TBX2: variants seen among roughly 807,000 people sequenced by gnomAD.
TBX2 encodes T-box transcription factor 2.
In TBX2, 19 loss-of-function variants were observed where a neutral mutation model predicts 48.4. The ratio of observed to expected loss-of-function variants is 0.39; its 90% CI spans 0.27 to 0.58. The LOEUF is 0.58. Among genes scored for constraint, TBX2 ranks in the 20% least tolerant of loss-of-function variants. The probability of loss-of-function intolerance (pLI) is 0.54; values close to 1 mark genes in which losing one functional copy is unlikely to be tolerated. For missense variants in TBX2, 994 were observed against 1,006.5 expected, an observed-to-expected ratio of 0.99 and a Z score of 0.17; for synonymous variants, 522 against 459.7, an observed-to-expected ratio of 1.14 and a Z score of -1.73.
intron 5 of TBX2, 61 bp downstream of exon 5, chr17:61,404,830 G>A: frequency 1.3e-6 from 2 of 1,531,994 alleles, no homozygotes; most frequent in Non-Finnish European, 1.7e-6. Flanking sequence ...AGGTCGCTGG[G>A]CTGGTCTTTT....
Position 61,403,165 on chromosome 17 carries a change from G to A in TBX2, c.768G>A (p.Pro256=), listed in dbSNP as rs1175015230. ...PYSTFRTYVF[P]ETDFIAVTAY... ...GCACCTTCCGCACCTACGTGTTCCC[G>A]GAGACCGACTTCATCGCCGTCACTG... Residue 256 remains proline (P), a synonymous_variant, in exon 3 of 7, where the codon CCG becomes CCA. Transcript: ENST00000240328. The surrounding 1 kb of genome is among the most constrained non-coding windows in gnomAD (Gnocchi z 5.8). 1 of 1,613,608 alleles carries A rather than the reference G, an allele frequency of 6.2e-7. No individual in the cohort carries two copies. Among genetic ancestry groups the A allele is most frequent in the South Asian group, 1.1e-5 (1 of 91,080 alleles).
Position 61,403,009 on chromosome 17 carries a change from A to G in TBX2, c.664-52A>G. On this transcript the variant is annotated intron_variant, in intron 2 of 6. Coordinates refer to ENST00000240328, the MANE Select transcript of TBX2 (RefSeq NM_005994.4). This position sits in a 1 kb window ranked among gnomAD's most constrained non-coding sequence, Gnocchi z 5.8. ...AGAGGTCAGGTACCCAAAGAATAGA[A>G]AAGCTCGGGCCGGGGCTGGTGGCTG... The G allele has an allele frequency of 2.6e-6, 4 of 1,562,012 alleles. No homozygotes were observed. Among genetic ancestry groups the G allele is most frequent in the African/African-American group, 1.4e-5 (1 of 70,956 alleles).
In TBX2 at chr17:61,400,071, A is replaced by C; in HGVS notation, c.-106A>C. 2.0e-6 allele frequency: 1 copy of C among 488,800 alleles called. No individual in the cohort carries two copies. The highest frequency in any genetic ancestry group is 2.1e-5 in the African/African-American group (1 of 46,712). The allele number at this position is 488,800 out of a possible 1,614,324, so 30.3% of individuals were successfully genotyped here. On this transcript the variant is annotated 5_prime_UTR_variant, in exon 1 of 7. Transcript: ENST00000240328. The surrounding 1 kb of genome is among the most constrained non-coding windows in gnomAD (Gnocchi z 9.2). ...CCGAGGAGCAGCTGCTGCGCCCGCC[A>C]CCCGGGTCGTCCGTCCACCGCGCGC...
In TBX2 at chr17:61,408,450, G is replaced by A. The variant is rs1194305286; in HGVS notation, c.2083G>A (p.Val695Met). 1 of 1,490,360 alleles carries A rather than the reference G, an allele frequency of 6.7e-7. No individual in the cohort carries two copies. The highest frequency in any genetic ancestry group is 9.0e-7 in the Non-Finnish European group (1 of 1,116,872). 92.3% of individuals were successfully genotyped at this position (1,490,360 alleles called of 1,614,324 possible). The change falls in exon 7 of 7, where the codon GTG becomes ATG. Residue 695 changes from valine to methionine, a missense_variant. Val to Met is a conservative substitution (Grantham distance 21, BLOSUM62 1). Around this residue, in one of 5 missense-constraint regions of TBX2, gnomAD observed 639 missense variants for 613.2 expected, o/e 1.04. Coordinates refer to ENST00000240328, the MANE Select transcript of TBX2 (RefSeq NM_005994.4). ...TGAACTGCAGAGCATCCAGAGACTG[G>A]TGAGTGGGCTGGAGAGCCAGCGAGC... ...ANELQSIQRLVSGLESQRALS... is the reference protein window; with the variant it reads ...ANELQSIQRLMSGLESQRALS...
Position 61,400,088 on chromosome 17 carries a change from ACC to A in TBX2, c.-88_-87del. 2 of 714,458 alleles carry A rather than the reference ACC, an allele frequency of 2.8e-6. No homozygotes were observed. Among genetic ancestry groups the A allele is most frequent in the Non-Finnish European group, 3.4e-6 (2 of 585,506 alleles). The allele number at this position is 714,458 out of a possible 1,614,324, so 44.3% of individuals were successfully genotyped here. A position where few individuals can be genotyped will look rare whatever the true frequency, so the allele number is the denominator to read the frequency against. On this transcript the variant is annotated 5_prime_UTR_variant, in exon 1 of 7. Coordinates refer to ENST00000240328, the MANE Select transcript of TBX2 (RefSeq NM_005994.4). The surrounding 1 kb of genome is among the most constrained non-coding windows in gnomAD (Gnocchi z 9.2). ...CGCCCGCCACCCGGGTCGTCCGTCC[ACC>A]GCGCGCGCCGCCGCCCGGGCCGGGG... is the stretch of plus-strand genomic sequence containing the variant.
At position 61,405,726 on chromosome 17, in the gene TBX2, C is replaced by T; in HGVS notation, c.1576C>T (p.Pro526Ser). 1 of 1,369,446 alleles carries T rather than the reference C, an allele frequency of 7.3e-7. No homozygotes were observed. The highest frequency in any genetic ancestry group is 3.0e-5 in the East Asian group (1 of 32,916). The allele number at this position is 1,369,446 out of a possible 1,614,324, so 84.8% of individuals were successfully genotyped here. A position where few individuals can be genotyped will look rare whatever the true frequency, so the allele number is the denominator to read the frequency against. Residue 526 changes from proline to serine, a missense_variant, in exon 6 of 7, where the codon CCT (proline) becomes TCT (serine). Around this residue, in one of 5 missense-constraint regions of TBX2, gnomAD observed 639 missense variants for 613.2 expected, o/e 1.04. Transcript: ENST00000240328. ...AGGGNGGGGGPGTAAGLDAGG... is the reference protein window; with the variant it reads ...AGGGNGGGGGSGTAAGLDAGG... Reference sequence around the variant, plus strand: ...CGGCGGCAACGGCGGAGGTGGCGGGCCTGGGACCGCCGCGGGGCTGGACGC... The same window carrying T: ...CGGCGGCAACGGCGGAGGTGGCGGGTCTGGGACCGCCGCGGGGCTGGACGC...
rs761768545 is a variant in TBX2 at position 61,404,468 on chromosome 17, G to T, written c.858G>T (p.Arg286=). Residue 286 remains arginine (R), a synonymous_variant, in exon 4 of 7, where the codon CGG becomes CGT. Transcript: ENST00000240328. ...ACAACCCGTTTGCCAAGGGCTTCCGGGACACCGGGAACGGCCGGCGGGAGA... is the reference window on the plus strand; with the variant it reads ...ACAACCCGTTTGCCAAGGGCTTCCGTGACACCGGGAACGGCCGGCGGGAGA... The part of the protein sequence containing the change: ...IDNNPFAKGF[R]DTGNGRREKR... The T allele has an allele frequency of 1.2e-6, 2 of 1,612,118 alleles. No homozygotes were observed. Among genetic ancestry groups the T allele is most frequent in the Non-Finnish European group, 1.7e-6 (2 of 1,179,406 alleles).
chr17:61,405,048 G>A, intron 5 of TBX2, 154 bp from the exon 6 acceptor site: 1 of 1,458,218 alleles, frequency 6.9e-7, no homozygotes, highest in East Asian at 2.5e-5. Flanking sequence ...TGTAAATCTG[G>A]GGTCTTGGAT....
Position 61,406,621 on chromosome 17 carries a change from G to C in TBX2, c.1686+785G>C, listed in dbSNP as rs951424302. On this transcript the variant is annotated intron_variant, in intron 6 of 6. Coordinates refer to ENST00000240328, the MANE Select transcript of TBX2 (RefSeq NM_005994.4). The surrounding 1 kb of genome is among the most constrained non-coding windows in gnomAD (Gnocchi z 5.7). ...TCTCTTCATTCATTTTCTTCCCTCT[G>C]AGGTTTCTGGCAAATTGAACCCCTG... The C allele has an allele frequency of 3.3e-5, 5 of 152,162 alleles. No homozygotes were observed. Among genetic ancestry groups the C allele is most frequent in the Admixed American group, 2.6e-4 (4 of 15,270 alleles). 9.4% of individuals were successfully genotyped at this position (152,162 alleles called of 1,614,324 possible). A position where few individuals can be genotyped will look rare whatever the true frequency, so the allele number is the denominator to read the frequency against.
intron 6 of TBX2, 66 bp from the exon 7 acceptor site, chr17:61,407,988 C>A (rs138122459): frequency 6.6e-7 from 1 of 1,506,290 alleles, no homozygotes; most frequent in Non-Finnish European, 8.8e-7. Context: ...GGGGATAGCA[C>A]CCAGCCCAAC....
Position 61,402,930 on chromosome 17 carries a change from TAGAGAGAG to T in TBX2, c.664-97_664-90del, listed in dbSNP as rs1555876930. On this transcript the variant is annotated intron_variant, in intron 2 of 6. Coordinates refer to ENST00000240328, the MANE Select transcript of TBX2 (RefSeq NM_005994.4). ...GAAAATGGGGAAGAGGAAGAACCGA[TAGAGAGAG>T]AGAGAGAGAGAGAGAGAGAGAGAGA... The T allele has an allele frequency of 3.1e-4, 53 of 172,682 alleles. 1 individual carries two copies. Among genetic ancestry groups the T allele is most frequent in the South Asian group, 5.2e-4 (4 of 7,722 alleles). The allele number at this position is 172,682 out of a possible 1,614,324, so 10.7% of individuals were successfully genotyped here.
chr17:61,400,317 G>T lies in TBX2; in HGVS notation c.141G>T (p.Ala47=), dbSNP rs938458517. 3 of 1,068,254 alleles carry T rather than the reference G, an allele frequency of 2.8e-6. No homozygotes were observed. Among genetic ancestry groups the T allele is most frequent in the African/African-American group, 1.7e-5 (1 of 58,502 alleles). 66.2% of individuals were successfully genotyped at this position (1,068,254 alleles called of 1,614,324 possible). ...CGGCACTCGCGCTGCCGCCCGGCGC[G>T]CTGGCCAAGCCGCTGCCCGACCCGG... is the stretch of plus-strand genomic sequence containing the variant. ...FFPALALPPG[A]LAKPLPDPGL... The change falls in exon 1 of 7, where the codon GCG becomes GCT. Residue 47 remains alanine, a synonymous_variant. Coordinates refer to ENST00000240328, the MANE Select transcript of TBX2 (RefSeq NM_005994.4). This position sits in a 1 kb window ranked among gnomAD's most constrained non-coding sequence, Gnocchi z 9.2.
Position 61,400,673 on chromosome 17 carries a change from C to G in TBX2, c.395+102C>G. ...AGCTGGGGACTCCCGGCTCCCGGCT[C>G]CCGGCTCCAGGTTCTGGCCCTGACG... On this transcript the variant is annotated intron_variant, in intron 1 of 6. Coordinates refer to ENST00000240328, the MANE Select transcript of TBX2 (RefSeq NM_005994.4). The surrounding 1 kb of genome is among the most constrained non-coding windows in gnomAD (Gnocchi z 9.2). 8.3e-7 allele frequency: 1 copy of G among 1,208,690 alleles called. No homozygotes were observed. Among genetic ancestry groups the G allele is most frequent in the Non-Finnish European group, 1.1e-6 (1 of 892,666 alleles). The allele number at this position is 1,208,690 out of a possible 1,614,324, so 74.9% of individuals were successfully genotyped here. A position where few individuals can be genotyped will look rare whatever the true frequency, so the allele number is the denominator to read the frequency against.
intron 1 of TBX2, among the ~76,000 whole-genome samples, chr17:61,401,092 G>C (rs1338378204): frequency 6.6e-6 from 1 of 152,056 alleles, no homozygotes; most frequent in Non-Finnish European, 1.5e-5. Flanking sequence ...TCTCCACCGC[G>C]GGCATCCGAG....
chr17:61,405,757 G>A lies in TBX2; in HGVS notation c.1607G>A (p.Gly536Glu). The change falls in exon 6 of 7, where the codon GGG becomes GAG. Residue 536 changes from glycine (G) to glutamate (E), a missense_variant. By Grantham distance (98) the Gly-to-Glu change is moderately conservative. Coordinates refer to ENST00000240328, the MANE Select transcript of TBX2 (RefSeq NM_005994.4). ...PGTAAGLDAG[G>E]LGPAASAAST... ...ACCGCCGCGGGGCTGGACGCAGGCGGGCTGGGTCCCGCGGCCAGCGCAGCA... is the reference window on the plus strand; with the variant it reads ...ACCGCCGCGGGGCTGGACGCAGGCGAGCTGGGTCCCGCGGCCAGCGCAGCA... 7.5e-7 allele frequency: 1 copy of A among 1,338,786 alleles called. No individual in the cohort carries two copies. The highest frequency in any genetic ancestry group is 2.0e-5 in the South Asian group (1 of 50,046). 82.9% of individuals were successfully genotyped at this position (1,338,786 alleles called of 1,614,324 possible). A position where few individuals can be genotyped will look rare whatever the true frequency, so the allele number is the denominator to read the frequency against.
chr17:61,407,749 G>T (rs1025220603), intron 6 of TBX2: 3 of 344,346 alleles, frequency 8.7e-6, no homozygotes, highest in African/African-American at 6.4e-5. Flanking sequence ...CTCCCTCAAG[G>T]CCTTCACCCG....
In TBX2 at chr17:61,405,186, C is replaced by T. The variant is rs1178035366; in HGVS notation, c.1052-16C>T. On this transcript the variant is annotated splice_polypyrimidine_tract_variant and intron_variant, in intron 5 of 6. Transcript: ENST00000240328. ...TCCGCCCAGGCCCCTGTAATCCGCG[C>T]GCCCTCTCCCCGCAGCTGAGGAGAA... is the stretch of plus-strand genomic sequence containing the variant. The T allele has an allele frequency of 2.0e-6, 3 of 1,483,012 alleles. No individual in the cohort carries two copies. The highest frequency in any genetic ancestry group is 2.4e-5 in the East Asian group (1 of 40,852). 91.9% of individuals were successfully genotyped at this position (1,483,012 alleles called of 1,614,324 possible). A position where few individuals can be genotyped will look rare whatever the true frequency, so the allele number is the denominator to read the frequency against.
At position 61,403,305 on chromosome 17, in the gene TBX2, G is replaced by C. The variant is rs1173433081; in HGVS notation, c.810+98G>C. On this transcript the variant is annotated intron_variant, in intron 3 of 6. Coordinates refer to ENST00000240328, the MANE Select transcript of TBX2 (RefSeq NM_005994.4). The surrounding 1 kb of genome is among the most constrained non-coding windows in gnomAD (Gnocchi z 5.8). ...CATCGCCCCTCGAAGCCCCCTGCAC[G>C]GGATCCGCGCTCTTGCGGCCCGCCC... 2.0e-6 allele frequency: 3 copies of C among 1,531,172 alleles called. No individual in the cohort carries two copies. Among genetic ancestry groups the C allele is most frequent in the Non-Finnish European group, 2.6e-6 (3 of 1,146,422 alleles). 94.8% of individuals were successfully genotyped at this position (1,531,172 alleles called of 1,614,324 possible). A position where few individuals can be genotyped will look rare whatever the true frequency, so the allele number is the denominator to read the frequency against.
In TBX2 at chr17:61,400,362, CGCGGCG is replaced by C; in HGVS notation, c.198_203del (p.Ala70_Ala71del). 1 of 1,033,820 alleles carries C rather than the reference CGCGGCG, an allele frequency of 9.7e-7. No homozygotes were observed. Among genetic ancestry groups the C allele is most frequent in the Non-Finnish European group, 1.2e-6 (1 of 864,132 alleles). 64.0% of individuals were successfully genotyped at this position (1,033,820 alleles called of 1,614,324 possible). ...ACCCGGGCCTGGCGGGGGCGGCGGC[CGCGGCG>C]GCGGCGGCGGCAGCAGCGGCCGAGG... On this transcript the variant is annotated inframe_deletion, in exon 1 of 7. Coordinates refer to ENST00000240328, the MANE Select transcript of TBX2 (RefSeq NM_005994.4). The surrounding 1 kb of genome is among the most constrained non-coding windows in gnomAD (Gnocchi z 9.2).
Sources: allele counts gnomAD v4.1 joint callset (sites outside exome capture counted in the v4.1 genomes callset), GRCh38; gene constraint gnomAD v4.1.1; regional missense constraint gnomAD v4.1.1; non-coding constraint Gnocchi (gnomAD v3.1); transcripts MANE v1.5; gene names NCBI Gene and HGNC (gene_info 2026-07-23, HGNC 2026-07-21).